Variants in CDH4 observed in about 807,000 individuals in gnomAD.
CDH4 encodes the protein cadherin-4.
A neutral mutation model predicts 86.0 loss-of-function variants in CDH4; 33 were observed. The observed-to-expected ratio is 0.38, with a 90% confidence interval of 0.29 to 0.51. The LOEUF is 0.51. CDH4 is among the 20% of genes least tolerant of loss of function. The pLI is 0.86. For synonymous variants in CDH4, 555 were observed against 549.4 expected (o/e 1.01, Z -0.14); for missense variants, 1,114 against 1,307.4 (o/e 0.85, Z 2.28).
chr20:61,455,642 A>G (rs922291853), intron 2 of CDH4, among the ~76,000 whole-genome samples: 1 of 152,212 alleles, frequency 6.6e-6, no homozygotes, highest in African/African-American at 2.4e-5. Flanking sequence ...TGTGCCATGC[A>G]GGGTGCATTC....
chr20:61,359,022 T>C (rs576613552), intron 2 of CDH4, among the ~76,000 whole-genome samples: 1 of 152,048 alleles, frequency 6.6e-6, no homozygotes, highest in African/African-American at 2.4e-5. Flanking sequence ...GAGGGTCAGG[T>C]TGGGAAGCCG....
intron 2 of CDH4, among the ~76,000 whole-genome samples, chr20:61,418,209 CTTTT>C (rs11475784): frequency 7.4e-6 from 1 of 134,732 alleles, no homozygotes; most frequent in African/African-American, 2.9e-5. Context: ...TCTTTTTTTT[CTTTT>C]TTTTTTTTTT....
At chr20:61,898,003 C>T (rs1985212046) in intron 8 of CDH4, among the ~76,000 whole-genome samples, 1 of 152,192 alleles carries the variant, frequency 6.6e-6, no homozygotes, top group Non-Finnish European at 1.5e-5. Context: ...AGGGAGGGTT[C>T]CCTCCACCCT....
At chr20:61,420,002 T>C (rs2085168435) in intron 2 of CDH4, among the ~76,000 whole-genome samples, 2 of 152,324 alleles carry the variant, frequency 1.3e-5, no homozygotes, top group South Asian at 4.1e-4. Flanking sequence ...CTGTGCATTC[T>C]CATTGAATTC....
intron 2 of CDH4, among the ~76,000 whole-genome samples, chr20:61,305,310 G>A (rs1021234436): frequency 6.6e-6 from 1 of 152,162 alleles, no homozygotes; most frequent in Non-Finnish European, 1.5e-5. Context: ...CAGTGCACCT[G>A]CCGTATCTTA....
At chr20:61,526,615 A>G (rs769290191) in intron 2 of CDH4, among the ~76,000 whole-genome samples, 7 of 150,266 alleles carry the variant, frequency 4.7e-5, no homozygotes, top group Admixed American at 2.0e-4. Flanking sequence ...GTCATCTAGC[A>G]TTAGGTATAT....
At chr20:61,539,902 G>A (rs911195198) in intron 2 of CDH4, among the ~76,000 whole-genome samples, 4 of 152,154 alleles carry the variant, frequency 2.6e-5, no homozygotes, top group African/African-American at 9.7e-5. Context: ...GGATTTGAAA[G>A]AGAGTGTTTG....
intron 2 of CDH4, among the ~76,000 whole-genome samples, chr20:61,515,456 AC>A (rs1437448166): frequency 6.6e-6 from 1 of 151,476 alleles, no homozygotes; most frequent in Admixed American, 6.6e-5. Context: ...GGGAAGGGGG[AC>A]CCTCCTCATG....
intron 2 of CDH4, among the ~76,000 whole-genome samples, chr20:61,333,485 C>T (rs761469259): frequency 6.6e-6 from 1 of 152,148 alleles, no homozygotes; most frequent in Non-Finnish European, 1.5e-5. Flanking sequence ...CAAGGGGGAC[C>T]CAGCACAGAG....
intron 2 of CDH4, among the ~76,000 whole-genome samples, chr20:61,337,271 GGTGAT>G (rs373604745): frequency 0.011 from 5 of 470 alleles, no homozygotes; most frequent in East Asian, 0.038. Flanking sequence ...TGGTGATGGT[GGTGAT>G]ATGATAATAA....
intron 2 of CDH4, among the ~76,000 whole-genome samples, chr20:61,313,289 G>A (rs1242143438): frequency 1.3e-5 from 2 of 152,226 alleles, no homozygotes; most frequent in African/African-American, 4.8e-5. Context: ...GCAAAGGGAA[G>A]AGCCCGGAGA....
At chr20:61,756,967 C>T (rs921279956) in intron 3 of CDH4, among the ~76,000 whole-genome samples, 8 of 152,178 alleles carry the variant, frequency 5.3e-5, no homozygotes, top group African/African-American at 1.9e-4. Flanking sequence ...AAAAGGTGGC[C>T]CTCAACGGGA....
chr20:61,739,939 G>T (rs959185293), intron 2 of CDH4, among the ~76,000 whole-genome samples: 18 of 152,230 alleles, frequency 1.2e-4, no homozygotes, highest in Non-Finnish European at 1.9e-4. Context: ...AGGCAACACC[G>T]TCAGGAGCGT....
chr20:61,530,405 T>G (rs562409050), intron 2 of CDH4, among the ~76,000 whole-genome samples: 1 of 152,266 alleles, frequency 6.6e-6, no homozygotes, highest in African/African-American at 2.4e-5. Flanking sequence ...TGACACAGTC[T>G]GGGGCCTTTT....
rs117463694 is a variant in CDH4, at chr20:61,290,820, A to G, written c.169+35883A>G. Among the ~76,000 whole-genome samples, 310 of 152,302 alleles carry G rather than the reference A, an allele frequency of 2.0e-3. 1 individual carries two copies. The highest frequency in any genetic ancestry group is 6.8e-3 in the Middle Eastern group (2 of 294). ...TAGGAATGGAACTGTTACAGAAAGG[A>G]GCCTTAATAACCCAAACCAATAAAA... On this transcript the variant is annotated intron_variant, in intron 2 of 15. Coordinates refer to ENST00000614565, the MANE Select transcript of CDH4 (RefSeq NM_001794.5).
intron 2 of CDH4, among the ~76,000 whole-genome samples, chr20:61,380,997 C>T (rs1007697778): frequency 4.6e-5 from 7 of 152,204 alleles, no homozygotes; most frequent in Non-Finnish European, 7.3e-5. Flanking sequence ...CTACAAGCTA[C>T]GCAGCGTGAC....
rs531930262 is a variant in CDH4, at chr20:61,778,218, G to A, written c.576+5036G>A. Among the ~76,000 whole-genome samples, 6 of 152,316 alleles carry A rather than the reference G, an allele frequency of 3.9e-5. No homozygotes were observed. The East Asian group carries it at 1.2e-3, about 29-fold the overall frequency. ...CAGTGTTGTAGGGGAGACGGCTCCT[G>A]GAAGAAGCCCCAATCACAGAGACGG... is the stretch of plus-strand genomic sequence containing the variant. On this transcript the variant is annotated intron_variant, in intron 4 of 15. Transcript: ENST00000614565.
intron 13 of CDH4, among the ~76,000 whole-genome samples, chr20:61,932,689 C>T (rs2123006873): frequency 6.6e-6 from 1 of 152,300 alleles, no homozygotes; most frequent in African/African-American, 2.4e-5. Context: ...GAAGCACCTA[C>T]ATCCACGACT....
At chr20:61,351,423 A>G (rs1162299022) in intron 2 of CDH4, among the ~76,000 whole-genome samples, 1 of 152,280 alleles carries the variant, frequency 6.6e-6, no homozygotes, top group African/African-American at 2.4e-5. Context: ...AGATTTTGGC[A>G]TGCACGGTGG....
Sources: gnomAD v4.1 joint callset for allele counts (sites outside exome capture counted in the v4.1 genomes callset) on GRCh38, gnomAD v4.1.1 for gene constraint, MANE v1.5 for transcripts, NCBI Gene and HGNC (gene_info 2026-07-23, HGNC 2026-07-21) for gene names.